KDM5C: variants seen among roughly 807,000 people sequenced by gnomAD.
KDM5C encodes the protein lysine-specific demethylase 5C.
KDM5C carries 16 observed loss-of-function variants against 110.6 expected under a neutral mutation model. The ratio of observed to expected loss-of-function variants is 0.14; its 90% CI spans 0.10 to 0.22. The LOEUF (loss-of-function observed/expected upper bound fraction) is 0.22, where lower values mean the gene tolerates loss of function less well. KDM5C is among the 10% of genes least tolerant of loss of function. The pLI is 1.00. For missense variants in KDM5C, 681 were observed against 1,300.9 expected (o/e 0.52, Z 7.33); for synonymous variants, 511 against 520.4 (o/e 0.98, Z 0.24).
chrX:53,199,713 T>C (rs1463124029), intron 14 of KDM5C, among the ~76,000 whole-genome samples: 4 of 112,350 alleles, frequency 3.6e-5, no homozygotes, highest in Non-Finnish European at 7.5e-5. Flanking sequence ...TTTCCAAACC[T>C]AATCCAATGA....
At chrX:53,177,894 T>C (rs1275223355) in intron 25 of KDM5C, among the ~76,000 whole-genome samples, 1 of 112,056 alleles carries the variant, frequency 8.9e-6, no homozygotes, top group Non-Finnish European at 1.9e-5. Flanking sequence ...GGTCTCACTC[T>C]GTCACCAAGG....
At chrX:53,202,084 C>CT in intron 12 of KDM5C, 111 bp from the exon 13 acceptor site, 1 of 951,388 alleles carries the variant, frequency 1.1e-6, no homozygotes, top group Non-Finnish European at 1.5e-6. Context: ...GGAACACAGT[C>CT]TGACAACAGA....
downstream of KDM5C, among the ~76,000 whole-genome samples, chrX:53,189,744 C>T (rs782149190): frequency 1.2e-4 from 14 of 112,727 alleles, no homozygotes; most frequent in Non-Finnish European, 2.1e-4. Context: ...AGCTAGATTG[C>T]GGGCCCTTGG....
chrX:53,191,447 G>GA (rs1248690633), downstream of KDM5C: 1 of 173,096 alleles, frequency 5.8e-6, no homozygotes, highest in Non-Finnish European at 1.1e-5. Flanking sequence ...ATTTTTTTTC[G>GA]AATGATGGCT....
intron 23 of KDM5C, 97 bp from the exon 24 acceptor site, chrX:53,193,948 TGGA>T: frequency 1.0e-6 from 1 of 963,118 alleles, no homozygotes; most frequent in South Asian, 2.0e-5. Context: ...CTCCGCCTTC[TGGA>T]GGAGGAGGGA....
At chrX:53,198,463 G>A in intron 17 of KDM5C, 27 bp downstream of exon 17, 1 of 1,191,077 alleles carries the variant, frequency 8.4e-7, no homozygotes, top group East Asian at 3.1e-5. Context: ...CACCTTATGT[G>A]TGCCCTAACT....
chrX:53,203,302 T>C (rs2073211013), intron 12 of KDM5C, among the ~76,000 whole-genome samples: 1 of 111,543 alleles, frequency 9.0e-6, no homozygotes, highest in Non-Finnish European at 1.9e-5. Context: ...GACATGGAAA[T>C]TTACAGGATA....
chrX:53,204,488 G>T (rs998179982), intron 12 of KDM5C, among the ~76,000 whole-genome samples: 4 of 110,696 alleles, frequency 3.6e-5, no homozygotes, highest in Non-Finnish European at 7.6e-5. Flanking sequence ...GCCCAGCATG[G>T]GAGGGTATCT....
chrX:53,196,155 T>C (rs1409118701), intron 19 of KDM5C, 101 bp from the exon 20 acceptor site: 21 of 950,868 alleles, frequency 2.2e-5, no homozygotes, highest in Non-Finnish European at 2.5e-5. Flanking sequence ...CTTGGGTGTC[T>C]GTTATTCCTG....
At chrX:53,217,052 A>T in intron 5 of KDM5C, 91 bp downstream of exon 5, 2 of 1,018,890 alleles carry the variant, frequency 2.0e-6, no homozygotes, top group Non-Finnish European at 2.7e-6. Flanking sequence ...AAAAGAAGGG[A>T]TAATGGAACA....
chrX:53,225,173 G>GGCCTTCAGCGCCGCC lies in KDM5C; in HGVS notation c.-299_-285dup, dbSNP rs1569286106. 8 of 340,152 alleles carry GGCCTTCAGCGCCGCC rather than the reference G, an allele frequency of 2.4e-5. No homozygotes were observed. The highest frequency in any genetic ancestry group is 5.4e-5 in the Admixed American group (1 of 18,470). 28.0% of individuals were successfully genotyped at this position (340,152 alleles called of 1,213,427 possible). On this transcript the variant is annotated 5_prime_UTR_variant, in exon 1 of 26. Coordinates refer to ENST00000375401, the MANE Select transcript of KDM5C (RefSeq NM_004187.5). ...ACCACAGTTACCTCCCAAACGCCGC[G>GGCCTTCAGCGCCGCC]GCCTTCAGCGCCGCCGCCGCCATCT... is the stretch of plus-strand genomic sequence containing the variant.
Position 53,194,592 on chromosome X carries a change from A to G in KDM5C, c.3585T>C (p.Ala1195=). The G allele has an allele frequency of 8.3e-7, 1 of 1,212,119 alleles. No individual in the cohort carries two copies. Among genetic ancestry groups the G allele is most frequent in the South Asian group, 1.8e-5 (1 of 57,013 alleles). Residue 1195 remains alanine, a synonymous_variant, in exon 23 of 26, where the codon GCT becomes GCC. Transcript: ENST00000375401. Reference sequence around the variant, plus strand: ...GGTCACACTGCAGAGCTCCCGCCCCAGCCAGCACCTGCCCACACACACAGA... The same window carrying G: ...GGTCACACTGCAGAGCTCCCGCCCCGGCCAGCACCTGCCCACACACACAGA... The part of the protein sequence containing the change: ...TSICVCGQVL[A]GAGALQCDLC...
rs2146866890 is a variant in KDM5C at position 53,201,732 on chromosome X, G to A, written c.1879C>T (p.Arg627Cys). The A allele has an allele frequency of 8.3e-7, 1 of 1,211,681 alleles. No homozygotes were observed. Among genetic ancestry groups the A allele is most frequent in the Non-Finnish European group, 1.1e-6 (1 of 895,432 alleles). Residue 627 changes from arginine (R) to cysteine (C), a missense_variant, in exon 14 of 26, where the codon CGC becomes TGC. Arg to Cys is a radical substitution (Grantham distance 180). Around this residue, in one of 14 missense-constraint regions of KDM5C, gnomAD observed 41 missense variants for 205.9 expected, o/e 0.20. Transcript: ENST00000375401. ...CGGCGGTAGTGCTCAATGCACTGGCGCCCAGCAGGCAACTGTGGGCAGGTT... is the reference window on the plus strand; with the variant it reads ...CGGCGGTAGTGCTCAATGCACTGGCACCCAGCAGGCAACTGTGGGCAGGTT... Reference protein sequence around the residue: ...FCTADWLPAGRQCIEHYRRLR... With the variant: ...FCTADWLPAGCQCIEHYRRLR...
intron 4 of KDM5C, among the ~76,000 whole-genome samples, chrX:53,217,544 C>T (rs1187310237): frequency 4.5e-5 from 5 of 112,167 alleles, no homozygotes; most frequent in Non-Finnish European, 7.5e-5. Context: ...CTTCCCACAC[C>T]TTCTAGCCCA....
chrX:53,210,219 C>T lies in KDM5C; in HGVS notation c.1746+195G>A, dbSNP rs148837133. Among the ~76,000 whole-genome samples, 471 of 112,578 alleles carry T rather than the reference C, an allele frequency of 4.2e-3. 3 individuals carry two copies. The highest frequency in any genetic ancestry group is 0.014 in the African/African-American group (443 of 30,978). ...ACCGTCAAACACATGGCCCAGAGGG[C>T]ATACCATCATACGGTGCATCTAATC... On this transcript the variant is annotated intron_variant, in intron 12 of 25. Coordinates refer to ENST00000375401, the MANE Select transcript of KDM5C (RefSeq NM_004187.5).
intron 14 of KDM5C, among the ~76,000 whole-genome samples, chrX:53,199,457 T>C (rs2073072877): frequency 9.0e-6 from 1 of 111,430 alleles, no homozygotes; most frequent in African/African-American, 3.3e-5. Flanking sequence ...GTGAGGAAAG[T>C]GGTGGACCAA....
chrX:53,209,502 G>T lies in KDM5C; in HGVS notation c.1746+912C>A, dbSNP rs140957503. Among the ~76,000 whole-genome samples the T allele has an allele frequency of 1.1e-3, 121 of 112,254 alleles. 2 individuals carry two copies. In the East Asian group the frequency reaches 0.033, roughly 31 times the overall value. On this transcript the variant is annotated intron_variant, in intron 12 of 25. Transcript: ENST00000375401. ...ACCTAGTCCAAAGCCCTACTGTACA[G>T]ATATCTAGGAATATCTGAAGGAGAC...
At chrX:53,204,455 AGAGT>A (rs1556844105) in intron 12 of KDM5C, among the ~76,000 whole-genome samples, 1 of 110,993 alleles carries the variant, frequency 9.0e-6, no homozygotes, top group African/African-American at 3.3e-5. Context: ...GTCTTTTACT[AGAGT>A]GACTAGACAT....
intron 12 of KDM5C, among the ~76,000 whole-genome samples, chrX:53,209,915 G>A (rs1157929505): frequency 8.9e-6 from 1 of 112,610 alleles, no homozygotes; most frequent in African/African-American, 3.2e-5. Flanking sequence ...AGTATACAAA[G>A]TATGGCAGAG....
Sources: allele counts gnomAD v4.1 joint callset (sites outside exome capture counted in the v4.1 genomes callset), GRCh38; gene constraint gnomAD v4.1.1; regional missense constraint gnomAD v4.1.1; transcripts MANE v1.5; gene names NCBI Gene and HGNC (gene_info 2026-07-23, HGNC 2026-07-21).